OOSP2: variants seen among roughly 807,000 people sequenced by gnomAD.
OOSP2 encodes the protein oocyte-secreted protein 2.
OOSP2 carries 7 observed loss-of-function variants against 13.4 expected under a neutral mutation model. The observed-to-expected ratio is 0.52, with a 90% confidence interval of 0.30 to 0.98. The LOEUF (loss-of-function observed/expected upper bound fraction) is 0.98. OOSP2 is among the 50% of genes least tolerant of loss of function. OOSP2 has a pLI of 0.07. For synonymous variants in OOSP2, 75 were observed against 67.2 expected, an observed-to-expected ratio of 1.12 and a Z score of -0.57; for missense variants, 184 against 188.5, an observed-to-expected ratio of 0.98 and a Z score of 0.14.
chr11:60,041,444 G>A (rs1047088858), intron 1 of OOSP2, among the ~76,000 whole-genome samples: 2 of 152,100 alleles, frequency 1.3e-5, no homozygotes, highest in Non-Finnish European at 2.9e-5. Flanking sequence ...GGGTGTTTAG[G>A]CCCTAACTGT....
chr11:60,045,591 G>C (rs1384462100), intron 3 of OOSP2, among the ~76,000 whole-genome samples: 1 of 146,748 alleles, frequency 6.8e-6, no homozygotes, highest in Non-Finnish European at 1.5e-5. Flanking sequence ...TTTTAATTTT[G>C]GTAAAATATA....
intron 1 of OOSP2, among the ~76,000 whole-genome samples, chr11:60,041,769 T>C (rs1046404294): frequency 3.5e-5 from 5 of 141,492 alleles, no homozygotes; most frequent in Non-Finnish European, 6.0e-5. Context: ...GAGAATCACT[T>C]GAACCCGGGA....
chr11:60,047,233 A>G lies in OOSP2; in HGVS notation c.*160A>G, dbSNP rs1855020240. 1 of 563,736 alleles carries G rather than the reference A, an allele frequency of 1.8e-6. No individual in the cohort carries two copies. Among genetic ancestry groups the G allele is most frequent in the Non-Finnish European group, 3.1e-6 (1 of 320,552 alleles). The allele number at this position is 563,736 out of a possible 1,614,324, so 34.9% of individuals were successfully genotyped here. Reference sequence around the variant, plus strand: ...AAGGTCCTGATTAGTTGATTAGTGAATGTGTATTTCTAAATATTTGTATTC... The same window carrying G: ...AAGGTCCTGATTAGTTGATTAGTGAGTGTGTATTTCTAAATATTTGTATTC... On this transcript the variant is annotated 3_prime_UTR_variant, in exon 4 of 4. Transcript: ENST00000278855.
intron 1 of OOSP2, among the ~76,000 whole-genome samples, chr11:60,041,964 C>T (rs1360934534): frequency 1.3e-5 from 2 of 151,442 alleles, no homozygotes; most frequent in African/African-American, 4.9e-5. Context: ...ATCACGAGGT[C>T]AGCCAGGCGT....
chr11:60,047,662 C>A lies in OOSP2; in HGVS notation c.*589C>A, dbSNP rs1855024376. On this transcript the variant is annotated 3_prime_UTR_variant, in exon 4 of 4. Transcript: ENST00000278855. Reference sequence around the variant, plus strand: ...TTATTTTCTAGAGCTCAAGTAACCACTACCTTAACTGAAATTTGATGTTAG... The same window carrying A: ...TTATTTTCTAGAGCTCAAGTAACCAATACCTTAACTGAAATTTGATGTTAG... 1 of 152,164 alleles carries A rather than the reference C, an allele frequency of 6.6e-6. No individual in the cohort carries two copies. Among genetic ancestry groups the A allele is most frequent in the Admixed American group, 6.5e-5 (1 of 15,270 alleles). 9.4% of individuals were successfully genotyped at this position (152,164 alleles called of 1,614,324 possible).
intron 1 of OOSP2, among the ~76,000 whole-genome samples, chr11:60,041,771 A>G (rs1379140287): frequency 7.0e-6 from 1 of 142,732 alleles, no homozygotes; most frequent in Non-Finnish European, 1.5e-5. Context: ...GAATCACTTG[A>G]ACCCGGGAGG....
At position 60,047,269 on chromosome 11, in the gene OOSP2, T is replaced by C. The variant is rs1590604122; in HGVS notation, c.*196T>C. 6.6e-6 allele frequency: 3 copies of C among 456,202 alleles called. No homozygotes were observed. Among genetic ancestry groups the C allele is most frequent in the South Asian group, 4.0e-5 (1 of 24,972 alleles). The allele number at this position is 456,202 out of a possible 1,614,324, so 28.3% of individuals were successfully genotyped here. A position where few individuals can be genotyped will look rare whatever the true frequency, so the allele number is the denominator to read the frequency against. ...TAAATATTTGTATTCAGTAGGGGTATGGCTGATTAATTTAACATTAACTAT... is the reference window on the plus strand; with the variant it reads ...TAAATATTTGTATTCAGTAGGGGTACGGCTGATTAATTTAACATTAACTAT... On this transcript the variant is annotated 3_prime_UTR_variant, in exon 4 of 4. Coordinates refer to ENST00000278855, the MANE Select transcript of OOSP2 (RefSeq NM_173801.5).
intron 2 of OOSP2, 104 bp downstream of exon 2, chr11:60,043,751 A>G: frequency 1.6e-6 from 1 of 643,072 alleles, no homozygotes; most frequent in South Asian, 2.3e-5. Flanking sequence ...TTCTCATTGT[A>G]GTAATTTATG....
chr11:60,042,942 T>C (rs748312532), intron 1 of OOSP2, among the ~76,000 whole-genome samples: 1 of 152,054 alleles, frequency 6.6e-6, no homozygotes, highest in Non-Finnish European at 1.5e-5. Flanking sequence ...TCTCTCTCTG[T>C]CACCCAGGCT....
chr11:60,043,297 T>G (rs1026540763), intron 1 of OOSP2, among the ~76,000 whole-genome samples, 172 bp from the exon 2 acceptor site: 1 of 152,232 alleles, frequency 6.6e-6, no homozygotes, highest in Non-Finnish European at 1.5e-5. Context: ...ATTAGTTAGG[T>G]ATTTTGGAAA....
chr11:60,045,348 G>A (rs1467591292), intron 3 of OOSP2, among the ~76,000 whole-genome samples: 1 of 151,616 alleles, frequency 6.6e-6, no homozygotes, highest in African/African-American at 2.4e-5. Flanking sequence ...AGACTAAGTG[G>A]AAAGGTATCC....
intron 1 of OOSP2, among the ~76,000 whole-genome samples, chr11:60,041,127 T>G (rs984788431): frequency 6.6e-6 from 1 of 152,246 alleles, no homozygotes; most frequent in African/African-American, 2.4e-5. Flanking sequence ...AAATGTAATC[T>G]GTAAAGTAGC....
intron 3 of OOSP2, among the ~76,000 whole-genome samples, chr11:60,045,330 G>A (rs962860381): frequency 2.0e-5 from 3 of 151,104 alleles, no homozygotes; most frequent in African/African-American, 7.3e-5. Context: ...AGCCTCGTGT[G>A]AACTTTGAGA....
At chr11:60,042,332 C>G (rs141354170) in intron 1 of OOSP2, among the ~76,000 whole-genome samples, 1 of 152,146 alleles carries the variant, frequency 6.6e-6, no homozygotes, top group African/African-American at 2.4e-5. Flanking sequence ...ATTTCAAACA[C>G]GTAGAGAGAC....
intron 3 of OOSP2, among the ~76,000 whole-genome samples, chr11:60,045,612 T>TACATTTGC (rs1854997785): frequency 6.6e-6 from 1 of 151,956 alleles, no homozygotes; most frequent in African/African-American, 2.4e-5. Flanking sequence ...CATAATCTTG[T>TACATTTGC]ACATTTGTAC....
At chr11:60,041,850 C>CAAAAAAAAAAAAAAAAAAAAAA (rs571172974) in intron 1 of OOSP2, among the ~76,000 whole-genome samples, 2 of 36,436 alleles carry the variant, frequency 5.5e-5, no homozygotes, top group African/African-American at 2.3e-4. Flanking sequence ...GACTCTGTCT[C>CAAAAAAAAAAAAAAAAAAAAAA]AAAAAAAAAA....
In OOSP2 at chr11:60,046,880, T is replaced by A. The variant is rs1855014378; in HGVS notation, c.348-64T>A. 7.6e-6 allele frequency: 10 copies of A among 1,309,614 alleles called. No individual in the cohort carries two copies. In the Admixed American group the frequency reaches 1.7e-4, roughly 22 times the overall value. 81.1% of individuals were successfully genotyped at this position (1,309,614 alleles called of 1,614,324 possible). On this transcript the variant is annotated intron_variant, in intron 3 of 3. Transcript: ENST00000278855. ...TGTATATGATCATGATATTAAACAGTGGTAAAACTGACTTGATCCCAAGTG... is the reference window on the plus strand; with the variant it reads ...TGTATATGATCATGATATTAAACAGAGGTAAAACTGACTTGATCCCAAGTG...
intron 1 of OOSP2, among the ~76,000 whole-genome samples, chr11:60,041,183 C>CT (rs11448575): frequency 0.029 from 4,342 of 152,094 alleles, 199 homozygotes; most frequent in African/African-American, 0.098. Flanking sequence ...TTTTTGTAGA[C>CT]TTTTTTTGGT....
At chr11:60,041,986 C>T (rs1251277976) in intron 1 of OOSP2, among the ~76,000 whole-genome samples, 2 of 148,410 alleles carry the variant, frequency 1.3e-5, no homozygotes, top group Non-Finnish European at 3.0e-5. Flanking sequence ...ATGGCGGGTG[C>T]CTGTAGCCTG....
Sources: allele counts gnomAD v4.1 joint callset (sites outside exome capture counted in the v4.1 genomes callset), GRCh38; gene constraint gnomAD v4.1.1; transcripts MANE v1.5; gene names NCBI Gene and HGNC (gene_info 2026-07-23, HGNC 2026-07-21).